The following RALGAPA1 variants were observed in gnomAD, a reference collection of about 807,000 sequenced individuals.
RALGAPA1 encodes ral GTPase-activating protein subunit alpha-1.
RALGAPA1 carries 52 observed loss-of-function variants against 269.6 expected under a neutral mutation model. That is an observed-to-expected ratio of 0.19 (90% CI 0.15 to 0.24). The LOEUF (loss-of-function observed/expected upper bound fraction) is 0.24, where lower values mean the gene tolerates loss of function less well. RALGAPA1 is among the 10% of genes least tolerant of loss of function. The pLI is 1.00. For missense variants in RALGAPA1, 1,917 were observed against 3,013.9 expected, an observed-to-expected ratio of 0.64 and a Z score of 8.52; for synonymous variants, 817 against 1,008.3, an observed-to-expected ratio of 0.81 and a Z score of 3.60.
chr14:35,718,102 G>A (rs1473264080), intron 16 of RALGAPA1, among the ~76,000 whole-genome samples: 1 of 152,118 alleles, frequency 6.6e-6, no homozygotes, highest in Non-Finnish European at 1.5e-5. Context: ...TATGTCCTTA[G>A]CTCTAACACT....
Position 35,688,831 on chromosome 14 carries a change from T to C in RALGAPA1, c.3580A>G (p.Ser1194Gly). 1 of 1,334,304 alleles carries C rather than the reference T, an allele frequency of 7.5e-7. No individual in the cohort carries two copies. Among genetic ancestry groups the C allele is most frequent in the South Asian group, 2.5e-5 (1 of 39,622 alleles). The allele number at this position is 1,334,304 out of a possible 1,614,324, so 82.7% of individuals were successfully genotyped here. A position where few individuals can be genotyped will look rare whatever the true frequency, so the allele number is the denominator to read the frequency against. ...FSSGSSNSST[S>G]NTHTSTNSAT... ...CTATTTGTGCTGGTATGGGTGTTGCTAGTGCTGCTATTGCTGCTACCACTA... is the reference window on the plus strand; with the variant it reads ...CTATTTGTGCTGGTATGGGTGTTGCCAGTGCTGCTATTGCTGCTACCACTA... Residue 1194 changes from serine (S) to glycine (G), a missense_variant, in exon 18 of 42, where the codon AGC becomes GGC. By Grantham distance (56) the Ser-to-Gly change is moderately conservative. Transcript: ENST00000680220.
In RALGAPA1 at chr14:35,752,059, A is replaced by G. The variant is rs1187139553; in HGVS notation, c.767T>C (p.Ile256Thr). 2 of 1,582,466 alleles carry G rather than the reference A, an allele frequency of 1.3e-6. No homozygotes were observed. The highest frequency in any genetic ancestry group is 2.7e-5 in the African/African-American group (2 of 73,286). ...KYYLPYIFPNICKENSLYHPI... is the reference protein window; with the variant it reads ...KYYLPYIFPNTCKENSLYHPI... Reference sequence around the variant, plus strand: ...ATGATATAAACTGTTTTCCTTACAGATGTTTGGAAAAATATAAGGCAAGTA... The same window carrying G: ...ATGATATAAACTGTTTTCCTTACAGGTGTTTGGAAAAATATAAGGCAAGTA... The change falls in exon 8 of 42, where the codon ATC (isoleucine) becomes ACC (threonine). Residue 256 changes from isoleucine (I) to threonine (T), a missense_variant. Transcript: ENST00000680220.
At chr14:35,700,492 C>T (rs946735740) in intron 16 of RALGAPA1, among the ~76,000 whole-genome samples, 190 bp from the exon 17 acceptor site, 2 of 152,074 alleles carry the variant, frequency 1.3e-5, no homozygotes, top group African/African-American at 4.8e-5. Flanking sequence ...ACACACACAA[C>T]ATTTTGAATA....
intron 37 of RALGAPA1, among the ~76,000 whole-genome samples, chr14:35,582,349 TA>T (rs1446664486): frequency 3.9e-5 from 6 of 152,186 alleles, no homozygotes; most frequent in African/African-American, 1.4e-4. Flanking sequence ...GTGCAGCATA[TA>T]AAGGTTTGGA....
chr14:35,724,200 C>A (rs1333496087), intron 14 of RALGAPA1, among the ~76,000 whole-genome samples: 1 of 151,858 alleles, frequency 6.6e-6, no homozygotes, highest in Non-Finnish European at 1.5e-5. Context: ...AATGAAAAAA[C>A]AAAAAATGGC....
intron 1 of RALGAPA1, among the ~76,000 whole-genome samples, chr14:35,803,387 GA>G (rs1386697875): frequency 6.6e-6 from 1 of 151,758 alleles, no homozygotes; most frequent in Non-Finnish European, 1.5e-5. Context: ...AAAACTTCTA[GA>G]AAAAAGCATA....
At chr14:35,555,685 T>G (rs930216637) in intron 39 of RALGAPA1, among the ~76,000 whole-genome samples, 1 of 152,144 alleles carries the variant, frequency 6.6e-6, no homozygotes, top group African/African-American at 2.4e-5. Flanking sequence ...TTGGTAAAAT[T>G]AGTTTATTTT....
chr14:35,762,725 T>C lies in RALGAPA1; in HGVS notation c.354A>G (p.Thr118=), dbSNP rs200437267. ...ATAGTTGTACCTTTAAGGAGTTTCCTGTGTGAAGTAGCTTCTTTAAAATCA... is the reference window on the plus strand; with the variant it reads ...ATAGTTGTACCTTTAAGGAGTTTCCCGTGTGAAGTAGCTTCTTTAAAATCA... ...IGLILKKLLH[T]GNSLKIRREG... Residue 118 remains threonine (T), a synonymous_variant, in exon 5 of 42, where the codon ACA becomes ACG. Coordinates refer to ENST00000680220, the MANE Select transcript of RALGAPA1 (RefSeq NM_001346249.2). The C allele has an allele frequency of 9.9e-6, 15 of 1,520,404 alleles. No individual in the cohort carries two copies. The Admixed American group carries it at 2.3e-4, about 24-fold the overall frequency. The allele number at this position is 1,520,404 out of a possible 1,614,324, so 94.2% of individuals were successfully genotyped here.
chr14:35,548,410 T>A, intron 41 of RALGAPA1, 98 bp downstream of exon 41: 1 of 820,210 alleles, frequency 1.2e-6, no homozygotes, highest in South Asian at 2.1e-5. Flanking sequence ...CAGTGTTAAG[T>A]TTACTTATTG....
At chr14:35,551,499 A>G (rs1239765481) in intron 39 of RALGAPA1, among the ~76,000 whole-genome samples, 1 of 152,186 alleles carries the variant, frequency 6.6e-6, no homozygotes, top group Non-Finnish European at 1.5e-5. Context: ...TTGAATGGGT[A>G]AAATGCTTCA....
chr14:35,728,251 C>A (rs2070149079), intron 13 of RALGAPA1, 111 bp downstream of exon 13: 3 of 938,740 alleles, frequency 3.2e-6, no homozygotes, highest in Non-Finnish European at 4.3e-6. Context: ...ATAATAGGAG[C>A]CTCTATAATA....
chr14:35,559,318 C>G (rs1204734277), intron 39 of RALGAPA1, among the ~76,000 whole-genome samples: 1 of 152,150 alleles, frequency 6.6e-6, no homozygotes. Flanking sequence ...CTAATTTCTG[C>G]TTTACATCCT....
chr14:35,630,721 C>T (rs769035271), intron 33 of RALGAPA1, among the ~76,000 whole-genome samples: 4 of 152,052 alleles, frequency 2.6e-5, no homozygotes, highest in Admixed American at 6.6e-5. Context: ...ATGGCGAAAC[C>T]GTGTCTCTAC....
At chr14:35,556,107 T>A (rs1393833583) in intron 39 of RALGAPA1, among the ~76,000 whole-genome samples, 1 of 152,148 alleles carries the variant, frequency 6.6e-6, no homozygotes, top group Non-Finnish European at 1.5e-5. Flanking sequence ...CCTTGAAATA[T>A]CTTTAAACAT....
rs1206376246 is a variant in RALGAPA1 at position 35,689,293 on chromosome 14, G to A, written c.3118C>T (p.Leu1040=). ...RTQTSEKSKQ[L]NTDKQPSEPS... Reference sequence around the variant, plus strand: ...TCTGATGGCTGTTTATCAGTGTTTAGTTGCTTAGATTTTTCAGAAGTTTGT... The same window carrying A: ...TCTGATGGCTGTTTATCAGTGTTTAATTGCTTAGATTTTTCAGAAGTTTGT... Residue 1040 remains leucine (L), a synonymous_variant, in exon 18 of 42, where the codon CTA becomes TTA. Coordinates refer to ENST00000680220, the MANE Select transcript of RALGAPA1 (RefSeq NM_001346249.2). 8.1e-7 allele frequency: 1 copy of A among 1,232,116 alleles called. No individual in the cohort carries two copies. The highest frequency in any genetic ancestry group is 3.2e-5 in the East Asian group (1 of 31,716). 76.3% of individuals were successfully genotyped at this position (1,232,116 alleles called of 1,614,324 possible). A position where few individuals can be genotyped will look rare whatever the true frequency, so the allele number is the denominator to read the frequency against.
At position 35,627,155 on chromosome 14, in the gene RALGAPA1, A is replaced by G; in HGVS notation, c.6792T>C (p.Pro2264=). ...VEQDEPIPQK[P]QSAFYYCRLL... ...ATCTGCAATAATAAAATGCTGACTG[A>G]GGTTTTTGAGGTATTGGTTCATCTT... Residue 2264 remains proline (P), a synonymous_variant, in exon 34 of 42, where the codon CCT becomes CCC. Transcript: ENST00000680220. 1 of 1,568,098 alleles carries G rather than the reference A, an allele frequency of 6.4e-7. No individual in the cohort carries two copies. The highest frequency in any genetic ancestry group is 2.1e-5 in the Admixed American group (1 of 48,542).
At chr14:35,551,241 T>C (rs567146161) in intron 39 of RALGAPA1, among the ~76,000 whole-genome samples, 1 of 152,190 alleles carries the variant, frequency 6.6e-6, no homozygotes, top group East Asian at 1.9e-4. Flanking sequence ...TAAGCTCTTC[T>C]GAGAAAAAAA....
intron 23 of RALGAPA1, 27 bp downstream of exon 23, chr14:35,674,489 C>T (rs780763579): frequency 6.4e-7 from 1 of 1,552,980 alleles, no homozygotes; most frequent in Admixed American, 1.9e-5. Context: ...TTTTCTTCTC[C>T]ACTTATATCC....
intron 39 of RALGAPA1, among the ~76,000 whole-genome samples, chr14:35,558,174 A>G (rs1195086449): frequency 1.3e-5 from 2 of 152,228 alleles, no homozygotes; most frequent in African/African-American, 4.8e-5. Context: ...ATAATCATAC[A>G]CGACTGAAAT....
Sources: allele counts gnomAD v4.1 joint callset (sites outside exome capture counted in the v4.1 genomes callset), GRCh38; gene constraint gnomAD v4.1.1; transcripts MANE v1.5; gene names NCBI Gene and HGNC (gene_info 2026-07-23, HGNC 2026-07-21).